The following SPEM3 variants were observed in gnomAD, a reference collection of about 807,000 sequenced individuals.
The protein encoded by SPEM3 is uncharacterized protein SPEM3.
rs1440601668 is a variant in SPEM3 at position 7,432,411 on chromosome 17, C to T, written c.3240C>T (p.Ser1080=). 3 of 398,666 alleles carry T rather than the reference C, an allele frequency of 7.5e-6. No homozygotes were observed. The highest frequency in any genetic ancestry group is 8.8e-6 in the Non-Finnish European group (2 of 226,086). 24.7% of individuals were successfully genotyped at this position (398,666 alleles called of 1,614,324 possible). Residue 1080 remains serine (S), a synonymous_variant, in exon 3 of 3, where the codon TCC becomes TCT. Coordinates refer to ENST00000636696, the MANE Select transcript of SPEM3 (RefSeq NM_001364708.1). This position sits in a 1 kb window ranked among gnomAD's most constrained non-coding sequence, Gnocchi z 4.1. ...RVQLNENSCP[S]KAQVVSNDLQ... is the part of the protein sequence containing the mutation. ...AACTCAATGAGAACTCCTGCCCTTC[C>T]AAGGCCCAAGTGGTCTCCAATGACC...
chr17:7,430,705 A>C lies in SPEM3; in HGVS notation c.1534A>C (p.Ile512Leu), dbSNP rs1197172649. Residue 512 changes from isoleucine (I) to leucine (L), a missense_variant, in exon 3 of 3, where the codon ATA (isoleucine) becomes CTA (leucine). Coordinates refer to ENST00000636696, the MANE Select transcript of SPEM3 (RefSeq NM_001364708.1). Reference protein sequence around the residue: ...GDSAKLPAGSILGYLELRNME... With the variant: ...GDSAKLPAGSLLGYLELRNME... ...TAGTGCCAAGCTTCCTGCAGGATCC[A>C]TACTGGGCTACCTGGAGTTGAGGAA... 1 of 398,656 alleles carries C rather than the reference A, an allele frequency of 2.5e-6. No homozygotes were observed. Among genetic ancestry groups the C allele is most frequent in the Non-Finnish European group, 4.4e-6 (1 of 226,100 alleles). The allele number at this position is 398,656 out of a possible 1,614,324, so 24.7% of individuals were successfully genotyped here. A position where few individuals can be genotyped will look rare whatever the true frequency, so the allele number is the denominator to read the frequency against.
rs1907820421 is a variant in SPEM3, at chr17:7,431,165, G to A, written c.1994G>A (p.Ser665Asn). Reference sequence around the variant, plus strand: ...CCCCAATGCCCTGAATGTCATGAGAGTCTAGGCCTTACCCAAGATTCTGGC... The same window carrying A: ...CCCCAATGCCCTGAATGTCATGAGAATCTAGGCCTTACCCAAGATTCTGGC... ...IQPQCPECHE[S>N]LGLTQDSGLQ... Residue 665 changes from serine (S) to asparagine (N), a missense_variant, in exon 3 of 3, where the codon AGT (serine) becomes AAT (asparagine). Physicochemically the swap from Ser to Asn is conservative, Grantham distance 46. Transcript: ENST00000636696. The A allele has an allele frequency of 2.5e-6, 1 of 398,570 alleles. No homozygotes were observed. Among genetic ancestry groups the A allele is most frequent in the Non-Finnish European group, 4.4e-6 (1 of 226,110 alleles). The allele number at this position is 398,570 out of a possible 1,614,324, so 24.7% of individuals were successfully genotyped here.
Position 7,431,716 on chromosome 17 carries a change from G to A in SPEM3, c.2545G>A (p.Val849Ile), listed in dbSNP as rs1201330750. ...TGGAGGTCACAAGAATACAGGCAAT[G>A]TCCAAGATCCAGGAGTCTGTAGTAC... ...DSGGHKNTGN[V>I]QDPGVCSTAG... Residue 849 changes from valine to isoleucine, a missense_variant, in exon 3 of 3, where the codon GTC becomes ATC. Transcript: ENST00000636696. 2.5e-6 allele frequency: 1 copy of A among 398,472 alleles called. No homozygotes were observed. The highest frequency in any genetic ancestry group is 3.6e-5 in the East Asian group (1 of 28,094). The allele number at this position is 398,472 out of a possible 1,614,324, so 24.7% of individuals were successfully genotyped here. A position where few individuals can be genotyped will look rare whatever the true frequency, so the allele number is the denominator to read the frequency against.
Position 7,430,620 on chromosome 17 carries a change from A to G in SPEM3, c.1449A>G (p.Gln483=), listed in dbSNP as rs1907802594. 5.0e-6 allele frequency: 2 copies of G among 398,728 alleles called. No individual in the cohort carries two copies. The highest frequency in any genetic ancestry group is 8.8e-6 in the Non-Finnish European group (2 of 226,138). 24.7% of individuals were successfully genotyped at this position (398,728 alleles called of 1,614,324 possible). ...RKDLATLFRP[Q]EGQDLVSSGI... is the part of the protein sequence containing the mutation. ...ACTTGGCTACCCTCTTCAGGCCCCAAGAGGGTCAGGACCTGGTGAGTTCTG... is the reference window on the plus strand; with the variant it reads ...ACTTGGCTACCCTCTTCAGGCCCCAGGAGGGTCAGGACCTGGTGAGTTCTG... The change falls in exon 3 of 3, where the codon CAA becomes CAG. Residue 483 remains glutamine, a synonymous_variant. Transcript: ENST00000636696.
Position 7,429,309 on chromosome 17 carries a change from G to A in SPEM3, c.197-59G>A. The A allele has an allele frequency of 5.0e-6, 2 of 398,504 alleles. No homozygotes were observed. The highest frequency in any genetic ancestry group is 8.8e-6 in the Non-Finnish European group (2 of 226,046). 24.7% of individuals were successfully genotyped at this position (398,504 alleles called of 1,614,324 possible). ...GCCTGTCCCCTTTCTCCTATCCCTG[G>A]CCCAGTTCTTAGTCCCTAGGGAACC... On this transcript the variant is annotated intron_variant, in intron 2 of 2. Transcript: ENST00000636696. The surrounding 1 kb of genome is among the most constrained non-coding windows in gnomAD (Gnocchi z 4.9).
At position 7,430,488 on chromosome 17, in the gene SPEM3, C is replaced by T; in HGVS notation, c.1317C>T (p.Ala439=). 1 of 399,496 alleles carries T rather than the reference C, an allele frequency of 2.5e-6. No individual in the cohort carries two copies. 24.7% of individuals were successfully genotyped at this position (399,496 alleles called of 1,614,324 possible). A position where few individuals can be genotyped will look rare whatever the true frequency, so the allele number is the denominator to read the frequency against. The change falls in exon 3 of 3, where the codon GCC becomes GCT. Residue 439 remains alanine, a synonymous_variant. Coordinates refer to ENST00000636696, the MANE Select transcript of SPEM3 (RefSeq NM_001364708.1). ...IITPIPSTPP[A]FSHDLSTGHV... is the part of the protein sequence containing the mutation. ...CTCCTATACCCTCTACCCCACCTGCCTTCAGCCATGACCTCTCCACTGGCC... is the reference window on the plus strand; with the variant it reads ...CTCCTATACCCTCTACCCCACCTGCTTTCAGCCATGACCTCTCCACTGGCC...
At position 7,430,950 on chromosome 17, in the gene SPEM3, G is replaced by A. The variant is rs1042637838; in HGVS notation, c.1779G>A (p.Pro593=). 3.5e-5 allele frequency: 14 copies of A among 398,062 alleles called. No individual in the cohort carries two copies. The highest frequency in any genetic ancestry group is 1.3e-4 in the South Asian group (1 of 7,798). 24.7% of individuals were successfully genotyped at this position (398,062 alleles called of 1,614,324 possible). The part of the protein sequence containing the change: ...AQSSVCTLPP[P]FTLSLPLVPP... ...GCTCAGTGTGCACCCTTCCTCCACC[G>A]TTCACTCTTTCCCTGCCTCTCGTTC... is the stretch of plus-strand genomic sequence containing the variant. The change falls in exon 3 of 3, where the codon CCG becomes CCA. Residue 593 remains proline, a synonymous_variant. Transcript: ENST00000636696.
At position 7,430,819 on chromosome 17, in the gene SPEM3, GAGA is replaced by G. The variant is rs1907808585; in HGVS notation, c.1653_1655del (p.Lys551del). On this transcript the variant is annotated inframe_deletion, in exon 3 of 3. Coordinates refer to ENST00000636696, the MANE Select transcript of SPEM3 (RefSeq NM_001364708.1). ...CTGCAGCTTCCATCCTTGCAGTTCTGAGAAGAACACAGACTCCCAGGCTCCATT... is the reference window on the plus strand; with the variant it reads ...CTGCAGCTTCCATCCTTGCAGTTCTGAGAACACAGACTCCCAGGCTCCATT... 2.5e-6 allele frequency: 1 copy of G among 398,442 alleles called. No individual in the cohort carries two copies. The highest frequency in any genetic ancestry group is 2.1e-5 in the African/African-American group (1 of 48,580). 24.7% of individuals were successfully genotyped at this position (398,442 alleles called of 1,614,324 possible).
rs1907844829 is a variant in SPEM3 at position 7,431,917 on chromosome 17, A to C, written c.2746A>C (p.Lys916Gln). Residue 916 changes from lysine (K) to glutamine (Q), a missense_variant, in exon 3 of 3, where the codon AAG becomes CAG. Lys to Gln is a moderately conservative substitution (Grantham distance 53). Coordinates refer to ENST00000636696, the MANE Select transcript of SPEM3 (RefSeq NM_001364708.1). ...CCTTACCCAAAACTCAGGAGACTACAAGAATCCAGGACTTATCCAAGATTG... is the reference window on the plus strand; with the variant it reads ...CCTTACCCAAAACTCAGGAGACTACCAGAATCCAGGACTTATCCAAGATTG... The part of the protein sequence containing the change: ...SGLTQNSGDY[K>Q]NPGLIQDCGG... 2.5e-6 allele frequency: 1 copy of C among 398,472 alleles called. No individual in the cohort carries two copies. Among genetic ancestry groups the C allele is most frequent in the Non-Finnish European group, 4.4e-6 (1 of 226,044 alleles). 24.7% of individuals were successfully genotyped at this position (398,472 alleles called of 1,614,324 possible).
rs931392649 is a variant in SPEM3, at chr17:7,432,743, G to C, written c.3572G>C (p.Ser1191Thr). 1 of 398,580 alleles carries C rather than the reference G, an allele frequency of 2.5e-6. No individual in the cohort carries two copies. The highest frequency in any genetic ancestry group is 2.1e-5 in the African/African-American group (1 of 48,644). The allele number at this position is 398,580 out of a possible 1,614,324, so 24.7% of individuals were successfully genotyped here. ...APSNSGKPSR[S>T]GDIRM ...AGCAACTCGGGGAAACCATCAAGGAGTGGGGATATCAGAATGTGATGAGAA... is the reference window on the plus strand; with the variant it reads ...AGCAACTCGGGGAAACCATCAAGGACTGGGGATATCAGAATGTGATGAGAA... The change falls in exon 3 of 3, where the codon AGT (serine) becomes ACT (threonine). Residue 1191 changes from serine to threonine, a missense_variant. Transcript: ENST00000636696. This position sits in a 1 kb window ranked among gnomAD's most constrained non-coding sequence, Gnocchi z 4.1.
Position 7,431,678 on chromosome 17 carries a change from C to T in SPEM3, c.2507C>T (p.Ser836Phe). ...QATDHQKNLG[S>F]SKDSGGHKNT... ...ACTGACCACCAAAAGAACCTAGGCTCTTCTAAAGATTCTGGAGGTCACAAG... is the reference window on the plus strand; with the variant it reads ...ACTGACCACCAAAAGAACCTAGGCTTTTCTAAAGATTCTGGAGGTCACAAG... Residue 836 changes from serine to phenylalanine, a missense_variant, in exon 3 of 3, where the codon TCT becomes TTT. Ser to Phe is a radical substitution (Grantham distance 155). Transcript: ENST00000636696. 2.5e-6 allele frequency: 1 copy of T among 398,602 alleles called. No individual in the cohort carries two copies. The highest frequency in any genetic ancestry group is 4.4e-6 in the Non-Finnish European group (1 of 226,060). The allele number at this position is 398,602 out of a possible 1,614,324, so 24.7% of individuals were successfully genotyped here. A position where few individuals can be genotyped will look rare whatever the true frequency, so the allele number is the denominator to read the frequency against.
Position 7,431,639 on chromosome 17 carries a change from A to T in SPEM3, c.2468A>T (p.Asp823Val), listed in dbSNP as rs950198703. 5.0e-6 allele frequency: 2 copies of T among 398,442 alleles called. No individual in the cohort carries two copies. Among genetic ancestry groups the T allele is most frequent in the Admixed American group, 4.4e-5 (1 of 22,706 alleles). 24.7% of individuals were successfully genotyped at this position (398,442 alleles called of 1,614,324 possible). A position where few individuals can be genotyped will look rare whatever the true frequency, so the allele number is the denominator to read the frequency against. Residue 823 changes from aspartate to valine, a missense_variant, in exon 3 of 3, where the codon GAT becomes GTT. Coordinates refer to ENST00000636696, the MANE Select transcript of SPEM3 (RefSeq NM_001364708.1). ...GAGACTGTGATCTACAAAAATCAAGATCTCTCCCAAGCAACTGACCACCAA... is the reference window on the plus strand; with the variant it reads ...GAGACTGTGATCTACAAAAATCAAGTTCTCTCCCAAGCAACTGACCACCAA... ...NQETVIYKNQDLSQATDHQKN... is the reference protein window; with the variant it reads ...NQETVIYKNQVLSQATDHQKN...
Position 7,429,423 on chromosome 17 carries a change from G to A in SPEM3, c.252G>A (p.Lys84=). The A allele has an allele frequency of 2.5e-6, 1 of 398,612 alleles. No homozygotes were observed. The highest frequency in any genetic ancestry group is 4.4e-6 in the Non-Finnish European group (1 of 226,078). The allele number at this position is 398,612 out of a possible 1,614,324, so 24.7% of individuals were successfully genotyped here. A position where few individuals can be genotyped will look rare whatever the true frequency, so the allele number is the denominator to read the frequency against. The change falls in exon 3 of 3, where the codon AAG becomes AAA. Residue 84 remains lysine, a synonymous_variant. Coordinates refer to ENST00000636696, the MANE Select transcript of SPEM3 (RefSeq NM_001364708.1). This position sits in a 1 kb window ranked among gnomAD's most constrained non-coding sequence, Gnocchi z 4.9. ...GTATTTGCTCCTCCGTGGATCCCAAGAACCTGTGCTCAAAAGTCTCTTCCC... is the reference window on the plus strand; with the variant it reads ...GTATTTGCTCCTCCGTGGATCCCAAAAACCTGTGCTCAAAAGTCTCTTCCC... ...PICICSSVDP[K]NLCSKVSSRV...
At position 7,430,627 on chromosome 17, in the gene SPEM3, C is replaced by G; in HGVS notation, c.1456C>G (p.Gln486Glu). The G allele has an allele frequency of 2.5e-6, 1 of 398,708 alleles. No homozygotes were observed. The highest frequency in any genetic ancestry group is 4.4e-6 in the Non-Finnish European group (1 of 226,142). 24.7% of individuals were successfully genotyped at this position (398,708 alleles called of 1,614,324 possible). A position where few individuals can be genotyped will look rare whatever the true frequency, so the allele number is the denominator to read the frequency against. The change falls in exon 3 of 3, where the codon CAG (glutamine) becomes GAG (glutamate). Residue 486 changes from glutamine (Q) to glutamate (E), a missense_variant. Gln to Glu is a conservative substitution (Grantham distance 29). Coordinates refer to ENST00000636696, the MANE Select transcript of SPEM3 (RefSeq NM_001364708.1). ...LATLFRPQEG[Q>E]DLVSSGISEQ... ...TACCCTCTTCAGGCCCCAAGAGGGT[C>G]AGGACCTGGTGAGTTCTGGCATATC...
At position 7,429,591 on chromosome 17, in the gene SPEM3, A is replaced by C; in HGVS notation, c.420A>C (p.Ala140=). 2.5e-6 allele frequency: 1 copy of C among 398,728 alleles called. No individual in the cohort carries two copies. The highest frequency in any genetic ancestry group is 4.4e-6 in the Non-Finnish European group (1 of 226,198). The allele number at this position is 398,728 out of a possible 1,614,324, so 24.7% of individuals were successfully genotyped here. ...ATGCCGGCGTTCCCAGGGAGTCTGC[A>C]CGGGGACTGTACAAGGCGGGGATGA... ...CGHAGVPRES[A]RGLYKAGMMG... The change falls in exon 3 of 3, where the codon GCA becomes GCC. Residue 140 remains alanine, a synonymous_variant. Coordinates refer to ENST00000636696, the MANE Select transcript of SPEM3 (RefSeq NM_001364708.1). The surrounding 1 kb of genome is among the most constrained non-coding windows in gnomAD (Gnocchi z 4.9).
chr17:7,431,810 A>G lies in SPEM3; in HGVS notation c.2639A>G (p.Lys880Arg), dbSNP rs2150827912. The G allele has an allele frequency of 5.0e-6, 2 of 398,642 alleles. No individual in the cohort carries two copies. Among genetic ancestry groups the G allele is most frequent in the Admixed American group, 4.4e-5 (1 of 22,736 alleles). 24.7% of individuals were successfully genotyped at this position (398,642 alleles called of 1,614,324 possible). Residue 880 changes from lysine to arginine, a missense_variant, in exon 3 of 3, where the codon AAG becomes AGG. Lys to Arg is a conservative substitution (Grantham distance 26). Coordinates refer to ENST00000636696, the MANE Select transcript of SPEM3 (RefSeq NM_001364708.1). ...GTTCCCCAAGACTCTGAAGTCAATA[A>G]GAGCTCAGGAGTTATCCAGGAATCT... ...PYVPQDSEVN[K>R]SSGVIQESFL...
In SPEM3 at chr17:7,429,900, C is replaced by T. The variant is rs1907775573; in HGVS notation, c.729C>T (p.Thr243=). ...TGCACACCCCTGCCCACTCCTGGAC[C>T]CACTCCAAAGCCCGCACCCCTGAGG... The part of the protein sequence containing the change: ...TAVHTPAHSW[T]HSKARTPEGT... The change falls in exon 3 of 3, where the codon ACC becomes ACT. Residue 243 remains threonine, a synonymous_variant. Coordinates refer to ENST00000636696, the MANE Select transcript of SPEM3 (RefSeq NM_001364708.1). The surrounding 1 kb of genome is among the most constrained non-coding windows in gnomAD (Gnocchi z 4.9). 2 of 413,442 alleles carry T rather than the reference C, an allele frequency of 4.8e-6. No individual in the cohort carries two copies. The highest frequency in any genetic ancestry group is 8.7e-5 in the Admixed American group (2 of 22,864). 25.6% of individuals were successfully genotyped at this position (413,442 alleles called of 1,614,324 possible). A position where few individuals can be genotyped will look rare whatever the true frequency, so the allele number is the denominator to read the frequency against.
In SPEM3 at chr17:7,431,375, G is replaced by C; in HGVS notation, c.2204G>C (p.Cys735Ser). The C allele has an allele frequency of 2.5e-6, 1 of 398,306 alleles. No individual in the cohort carries two copies. Among genetic ancestry groups the C allele is most frequent in the Non-Finnish European group, 4.4e-6 (1 of 226,014 alleles). The allele number at this position is 398,306 out of a possible 1,614,324, so 24.7% of individuals were successfully genotyped here. ...GGCCTTCCCCAAGATTCTTATCTCT[G>C]CCAGAATCCAAGCCCTTCTCAAGAC... ...FPGLPQDSYLCQNPSPSQDFG... is the reference protein window; with the variant it reads ...FPGLPQDSYLSQNPSPSQDFG... The change falls in exon 3 of 3, where the codon TGC becomes TCC. Residue 735 changes from cysteine to serine, a missense_variant. Coordinates refer to ENST00000636696, the MANE Select transcript of SPEM3 (RefSeq NM_001364708.1).
Position 7,428,871 on chromosome 17 carries a change from C to A in SPEM3, c.-32C>A. On this transcript the variant is annotated 5_prime_UTR_variant, in exon 1 of 3. Transcript: ENST00000636696. Reference sequence around the variant, plus strand: ...TTGCTCCTAGTGACTGTGTGAGGGCCGGGGGCCTAGGCAGTCCTGGGACCC... The same window carrying A: ...TTGCTCCTAGTGACTGTGTGAGGGCAGGGGGCCTAGGCAGTCCTGGGACCC... 2.5e-6 allele frequency: 1 copy of A among 398,612 alleles called. No individual in the cohort carries two copies. Among genetic ancestry groups the A allele is most frequent in the Non-Finnish European group, 4.4e-6 (1 of 226,080 alleles). The allele number at this position is 398,612 out of a possible 1,614,324, so 24.7% of individuals were successfully genotyped here.
Sources: allele counts gnomAD v4.1 joint callset, GRCh38; gene constraint gnomAD v4.1.1; non-coding constraint Gnocchi (gnomAD v3.1); transcripts MANE v1.5; gene names NCBI Gene and HGNC (gene_info 2026-07-23, HGNC 2026-07-21).